The following PSMD1 variants were observed in gnomAD, a reference collection of about 807,000 sequenced individuals.
PSMD1 encodes 26S proteasome non-ATPase regulatory subunit 1.
In PSMD1, 18 loss-of-function variants were observed where a neutral mutation model predicts 119.0. The ratio of observed to expected loss-of-function variants is 0.15; its 90% CI spans 0.10 to 0.22. The LOEUF is 0.22. PSMD1 is among the 10% of genes least tolerant of loss of function. PSMD1 has a pLI of 1.00. For synonymous variants in PSMD1, 374 were observed against 396.6 expected, an observed-to-expected ratio of 0.94 and a Z score of 0.68; for missense variants, 702 against 1,158.5, an observed-to-expected ratio of 0.61 and a Z score of 5.72.
At chr2:231,127,409 C>T (rs564878070) in intron 16 of PSMD1, among the ~76,000 whole-genome samples, 3 of 152,230 alleles carry the variant, frequency 2.0e-5, no homozygotes, top group African/African-American at 7.2e-5. Flanking sequence ...GGCTGGAGTG[C>T]AGTGGCACAA....
intron 16 of PSMD1, among the ~76,000 whole-genome samples, chr2:231,138,267 G>C (rs1696018734): frequency 6.6e-6 from 1 of 152,176 alleles, no homozygotes; most frequent in Non-Finnish European, 1.5e-5. Context: ...CATTATCAAG[G>C]CTTCTTTATC....
In PSMD1 at chr2:231,075,230, A is replaced by T. The variant is rs575982190; in HGVS notation, c.882-281A>T. Among the ~76,000 whole-genome samples the T allele has an allele frequency of 2.6e-5, 4 of 152,008 alleles. No individual in the cohort carries two copies. The South Asian group carries it at 8.3e-4, about 32-fold the overall frequency. On this transcript the variant is annotated intron_variant, in intron 7 of 24. Coordinates refer to ENST00000308696, the MANE Select transcript of PSMD1 (RefSeq NM_002807.4). ...GCTGGTGGTGATTTTGCTTTACCTG[A>T]CTGTGTTTTGTGAATGAAGGAGATA...
intron 13 of PSMD1, 119 bp from the exon 14 acceptor site, chr2:231,083,448 C>G: frequency 9.7e-7 from 1 of 1,027,872 alleles, no homozygotes; most frequent in South Asian, 1.6e-5. Flanking sequence ...TAAAAAAATG[C>G]TATCAGAAGC....
chr2:231,166,539 G>A lies in PSMD1; in HGVS notation c.2715+522G>A, dbSNP rs543711076. 8.8e-5 allele frequency among the ~76,000 whole-genome samples: 13 copies of A among 148,292 alleles called. No homozygotes were observed. In the East Asian group the frequency reaches 2.2e-3, roughly 25 times the overall value. Reference sequence around the variant, plus strand: ...TTTTTTTCTATTTCATTACACCATTGTCATAAATGCATTGCATTTTAGTTA... The same window carrying A: ...TTTTTTTCTATTTCATTACACCATTATCATAAATGCATTGCATTTTAGTTA... On this transcript the variant is annotated intron_variant, in intron 23 of 24. Coordinates refer to ENST00000308696, the MANE Select transcript of PSMD1 (RefSeq NM_002807.4).
chr2:231,160,087 G>A (rs1299201199), intron 19 of PSMD1, among the ~76,000 whole-genome samples: 5 of 152,206 alleles, frequency 3.3e-5, no homozygotes, highest in African/African-American at 1.2e-4. Context: ...CCTGGTTCCA[G>A]GCCATATATT....
At chr2:231,147,370 C>T (rs939541948) in intron 18 of PSMD1, among the ~76,000 whole-genome samples, 5 of 152,046 alleles carry the variant, frequency 3.3e-5, no homozygotes, top group South Asian at 4.2e-4. Context: ...TGGTGGCATG[C>T]GCCTGTAGTC....
rs199918793 is a variant in PSMD1 at position 231,089,600 on chromosome 2, T to TTA, written c.1883+2419_1883+2420insTA. The stretch of plus-strand genomic sequence containing the variant: ...AGAGGGACAGAATTAATAGGATATA[T>TTA]ATATATATATATATGGGAGTTTATT... On this transcript the variant is annotated intron_variant, in intron 16 of 24. Coordinates refer to ENST00000308696, the MANE Select transcript of PSMD1 (RefSeq NM_002807.4). Among the ~76,000 whole-genome samples the TTA allele has an allele frequency of 7.0e-3, 1,059 of 151,902 alleles. 16 individuals are homozygous for TTA. The highest frequency in any genetic ancestry group is 0.024 in the African/African-American group (1,002 of 41,364).
intron 16 of PSMD1, chr2:231,123,896 TA>T (rs953170302): frequency 5.4e-3 from 2,958 of 544,196 alleles, no homozygotes; most frequent in Non-Finnish European, 6.1e-3. Flanking sequence ...CACCTTCCTT[TA>T]AAAAAAAAAA....
chr2:231,099,253 A>G (rs182337053), intron 16 of PSMD1, among the ~76,000 whole-genome samples: 28 of 152,176 alleles, frequency 1.8e-4, no homozygotes, highest in Admixed American at 3.9e-4. Flanking sequence ...GTTCTTCCCT[A>G]TTTGTTTTTA....
intron 19 of PSMD1, among the ~76,000 whole-genome samples, chr2:231,154,365 C>G (rs1696439081): frequency 6.6e-6 from 1 of 152,152 alleles, no homozygotes; most frequent in South Asian, 2.1e-4. Flanking sequence ...ACCTGAGAGG[C>G]TGAGGTTGCA....
chr2:231,128,092 G>C lies in PSMD1; in HGVS notation c.1884-10644G>C, dbSNP rs78245688. ...GTCTAGGAAGACAGCTTAAATATCA[G>C]CCAAGAACACTTTTTTACCTCTCAG... is the stretch of plus-strand genomic sequence containing the variant. On this transcript the variant is annotated intron_variant, in intron 16 of 24. Coordinates refer to ENST00000308696, the MANE Select transcript of PSMD1 (RefSeq NM_002807.4). Among the ~76,000 whole-genome samples the C allele has an allele frequency of 5.1e-4, 77 of 152,254 alleles. No homozygotes were observed. The South Asian group carries it at 0.015, about 30-fold the overall frequency.
intron 19 of PSMD1, among the ~76,000 whole-genome samples, chr2:231,156,610 C>T (rs1696512689): frequency 6.6e-6 from 1 of 151,798 alleles, no homozygotes; most frequent in South Asian, 2.1e-4. Flanking sequence ...TTATAATATC[C>T]TCTTACTTTT....
chr2:231,161,516 C>CTG lies in PSMD1; in HGVS notation c.2388+10_2388+11dup. On this transcript the variant is annotated splice_region_variant and intron_variant, in intron 20 of 24. Transcript: ENST00000308696. ...CCTTAACAAGGACTTAAAGGTATGT[C>CTG]TGTGAGACCTCAGCTTTGTAGTATT... 6.2e-7 allele frequency: 1 copy of CTG among 1,608,750 alleles called. No individual in the cohort carries two copies. The highest frequency in any genetic ancestry group is 2.2e-5 in the East Asian group (1 of 44,852).
intron 15 of PSMD1, among the ~76,000 whole-genome samples, chr2:231,086,263 C>G (rs1350400909): frequency 2.6e-5 from 4 of 152,170 alleles, no homozygotes; most frequent in African/African-American, 9.7e-5. Flanking sequence ...AGGCAGATCT[C>G]GAACTCCTGG....
chr2:231,078,498 A>G (rs896668879), intron 9 of PSMD1, among the ~76,000 whole-genome samples, 161 bp from the exon 10 acceptor site: 1 of 152,226 alleles, frequency 6.6e-6, no homozygotes. Context: ...TAAACTAGCT[A>G]TTTAGTCTTT....
chr2:231,099,706 G>A (rs1294246419), intron 16 of PSMD1, among the ~76,000 whole-genome samples: 1 of 152,118 alleles, frequency 6.6e-6, no homozygotes, highest in African/African-American at 2.4e-5. Flanking sequence ...GCCTTTTGGG[G>A]TGTGAGGCTC....
intron 17 of PSMD1, among the ~76,000 whole-genome samples, chr2:231,142,252 T>G (rs367620549): frequency 6.6e-6 from 1 of 152,348 alleles, no homozygotes; most frequent in East Asian, 1.9e-4. Flanking sequence ...TACATGAGAA[T>G]GTATCTTCAG....
At chr2:231,080,696 T>G (rs1398958919) in intron 12 of PSMD1, among the ~76,000 whole-genome samples, 1 of 152,228 alleles carries the variant, frequency 6.6e-6, no homozygotes, top group Non-Finnish European at 1.5e-5. Context: ...TTGTTTAAAA[T>G]GTAAATCTTT....
chr2:231,068,247 C>T (rs1693953579), intron 5 of PSMD1, among the ~76,000 whole-genome samples: 1 of 152,148 alleles, frequency 6.6e-6, no homozygotes, highest in Non-Finnish European at 1.5e-5. Flanking sequence ...AAACCTAACA[C>T]AGTGTTTAGC....
Sources: gnomAD v4.1 joint callset for allele counts (sites outside exome capture counted in the v4.1 genomes callset) on GRCh38, gnomAD v4.1.1 for gene constraint, MANE v1.5 for transcripts, NCBI Gene and HGNC (gene_info 2026-07-23, HGNC 2026-07-21) for gene names.